ZNF609: variants seen among roughly 807,000 people sequenced by gnomAD.
The protein encoded by ZNF609 is zinc finger protein 609.
ZNF609 carries 11 observed loss-of-function variants against 109.5 expected under a neutral mutation model. The observed-to-expected ratio is 0.10, with a 90% CI of 0.06 to 0.17. The LOEUF (loss-of-function observed/expected upper bound fraction) is 0.17. Ranked by LOEUF, ZNF609 falls within the 10% of genes least tolerant of loss-of-function variation. The pLI is 1.00. For synonymous variants in ZNF609, 646 were observed against 662.0 expected (o/e 0.98, Z 0.37); for missense variants, 1,559 against 1,772.4 (o/e 0.88, Z 2.16).
rs1566998576 is a variant in ZNF609, at chr15:64,499,399, A to G, written c.-21A>G. 1 of 1,605,344 alleles carries G rather than the reference A, an allele frequency of 6.2e-7. No individual in the cohort carries two copies. Among genetic ancestry groups the G allele is most frequent in the Admixed American group, 1.7e-5 (1 of 59,118 alleles). On this transcript the variant is annotated 5_prime_UTR_variant, in exon 2 of 10. Coordinates refer to ENST00000326648, the MANE Select transcript of ZNF609 (RefSeq NM_015042.2). ...GGGCAAGGAAGAGCCTTGAATCTTG[A>G]GGTGGGACGTTGACTCTAAGATGTC...
intron 2 of ZNF609, among the ~76,000 whole-genome samples, chr15:64,604,919 C>T (rs1418651410): frequency 1.3e-5 from 2 of 152,090 alleles, no homozygotes; most frequent in Non-Finnish European, 1.5e-5. Flanking sequence ...GCAAACTCCA[C>T]CTCCCACCTT....
At chr15:64,653,918 C>T (rs907286949) in intron 3 of ZNF609, 5 of 152,052 alleles carry the variant, frequency 3.3e-5, no homozygotes, top group Non-Finnish European at 7.4e-5. Context: ...CATAAATTAC[C>T]CCTTACTCTG....
Position 64,553,036 on chromosome 15 carries a change from G to A in ZNF609, c.747+52870G>A, listed in dbSNP as rs142788560. Among the ~76,000 whole-genome samples the A allele has an allele frequency of 2.8e-3, 433 of 152,234 alleles. 1 individual carries two copies. Among genetic ancestry groups the A allele is most frequent in the African/African-American group, 1.0e-2 (415 of 41,544 alleles). On this transcript the variant is annotated intron_variant, in intron 2 of 9. Transcript: ENST00000326648. ...AAAACTATTCTTTTTCTCCTGAGCT[G>A]CATTTTCACTTTATGAAAAATCAGT...
intron 2 of ZNF609, chr15:64,528,822 C>A (rs559892268): frequency 7.1e-6 from 6 of 839,800 alleles, no homozygotes; most frequent in South Asian, 2.8e-5. Flanking sequence ...CTGTTGAAGT[C>A]GAAGGAGACC....
intron 2 of ZNF609, among the ~76,000 whole-genome samples, chr15:64,599,412 A>G (rs1204994237): frequency 6.6e-6 from 1 of 152,034 alleles, no homozygotes; most frequent in Non-Finnish European, 1.5e-5. Context: ...GGTGCCTGGC[A>G]TGTATCAGTT....
At chr15:64,621,451 G>C (rs1322071111) in intron 2 of ZNF609, among the ~76,000 whole-genome samples, 1 of 151,994 alleles carries the variant, frequency 6.6e-6, no homozygotes, top group East Asian at 1.9e-4. Context: ...CTGGGCTCAA[G>C]TGGTCCTCCC....
chr15:64,539,120 C>T (rs899060373), intron 2 of ZNF609, among the ~76,000 whole-genome samples: 6 of 152,004 alleles, frequency 3.9e-5, no homozygotes, highest in Non-Finnish European at 7.4e-5. Flanking sequence ...TCTCCTGCCT[C>T]AACCTCCCAA....
In ZNF609 at chr15:64,680,266, C is replaced by T. The variant is rs1896863806; in HGVS notation, c.3851C>T (p.Ala1284Val). 3 of 1,614,188 alleles carry T rather than the reference C, an allele frequency of 1.9e-6. No homozygotes were observed. The South Asian group carries it at 3.3e-5, about 18-fold the overall frequency. Residue 1284 changes from alanine to valine, a missense_variant, in exon 7 of 10, where the codon GCC becomes GTC. Ala to Val is a moderately conservative substitution (Grantham distance 64). Coordinates refer to ENST00000326648, the MANE Select transcript of ZNF609 (RefSeq NM_015042.2). ...GGTGAAGATGCTGACAAGGCACGAGCCAGCCCCAGTGTGACTTGTAAATCC... is the reference window on the plus strand; with the variant it reads ...GGTGAAGATGCTGACAAGGCACGAGTCAGCCCCAGTGTGACTTGTAAATCC... ...SGGEDADKAR[A>V]SPSVTCKSSS...
chr15:64,486,335 C>T (rs1009955316), intron 1 of ZNF609, among the ~76,000 whole-genome samples: 5 of 151,992 alleles, frequency 3.3e-5, no homozygotes, highest in Non-Finnish European at 7.4e-5. Flanking sequence ...ACAAGCCTAC[C>T]CAACATAGTG....
At chr15:64,468,909 A>C (rs1384294883) in intron 1 of ZNF609, among the ~76,000 whole-genome samples, 4 of 152,010 alleles carry the variant, frequency 2.6e-5, no homozygotes, top group African/African-American at 4.8e-5. Flanking sequence ...GCTGTAGAAT[A>C]TCATGATACC....
At chr15:64,640,137 G>T (rs1247403556) in intron 3 of ZNF609, among the ~76,000 whole-genome samples, 3 of 152,034 alleles carry the variant, frequency 2.0e-5, no homozygotes, top group Admixed American at 6.6e-5. Context: ...TGGCCAGGAT[G>T]GTGTTGATCT....
chr15:64,586,658 C>T (rs1320051072), intron 2 of ZNF609, among the ~76,000 whole-genome samples: 1 of 152,066 alleles, frequency 6.6e-6, no homozygotes, highest in Non-Finnish European at 1.5e-5. Context: ...GCCAACCCCC[C>T]TCTGTCTGTG....
intron 2 of ZNF609, among the ~76,000 whole-genome samples, chr15:64,559,403 G>A (rs1385190356): frequency 6.6e-6 from 1 of 152,230 alleles, no homozygotes; most frequent in Non-Finnish European, 1.5e-5. Flanking sequence ...CAAGGGGAAA[G>A]GAAGATTGGC....
upstream of ZNF609, among the ~76,000 whole-genome samples, chr15:64,460,009 A>G (rs777895106): frequency 4.6e-4 from 70 of 152,154 alleles, no homozygotes; most frequent in Non-Finnish European, 8.8e-4. Flanking sequence ...GGGATTAGAA[A>G]TGGGTGCTTT....
At chr15:64,474,593 A>G (rs1332046562) in intron 1 of ZNF609, among the ~76,000 whole-genome samples, 1 of 152,076 alleles carries the variant, frequency 6.6e-6, no homozygotes, top group African/African-American at 2.4e-5. Context: ...TGTATTGCAT[A>G]CTACATACAA....
intron 3 of ZNF609, among the ~76,000 whole-genome samples, chr15:64,644,683 C>T (rs1412307751): frequency 6.6e-6 from 1 of 152,138 alleles, no homozygotes; most frequent in Non-Finnish European, 1.5e-5. Flanking sequence ...CTAAGTCTTG[C>T]ATGTAAGTCC....
intron 2 of ZNF609, among the ~76,000 whole-genome samples, chr15:64,560,057 T>G (rs1027342581): frequency 2.6e-5 from 4 of 151,908 alleles, no homozygotes; most frequent in Admixed American, 2.6e-4. Context: ...TCTCTCTGGG[T>G]TTTTTTTGAG....
At chr15:64,486,252 G>A (rs926585221) in intron 1 of ZNF609, among the ~76,000 whole-genome samples, 14 of 152,168 alleles carry the variant, frequency 9.2e-5, no homozygotes, top group South Asian at 2.1e-4. Flanking sequence ...GGCCAGGCAC[G>A]TTGTCTCACA....
At chr15:64,531,662 G>A (rs1894066120) in intron 2 of ZNF609, among the ~76,000 whole-genome samples, 1 of 152,090 alleles carries the variant, frequency 6.6e-6, no homozygotes, top group Admixed American at 6.6e-5. Flanking sequence ...CTCCCAAAGT[G>A]CTGGGATTAG....
Sources: gnomAD v4.1 joint callset for allele counts (sites outside exome capture counted in the v4.1 genomes callset) on GRCh38, gnomAD v4.1.1 for gene constraint, MANE v1.5 for transcripts, NCBI Gene and HGNC (gene_info 2026-07-23, HGNC 2026-07-21) for gene names.